NENF: variants seen among roughly 807,000 people sequenced by gnomAD.
The protein encoded by NENF is neudesin neurotrophic factor.
Under a neutral mutation model 14.8 loss-of-function variants are expected in NENF, and 6 were observed. The ratio of observed to expected loss-of-function variants is 0.40; its 90% confidence interval spans 0.22 to 0.80. The LOEUF is 0.80. NENF is among the 30% of genes least tolerant of loss of function. The probability of loss-of-function intolerance (pLI) is 0.34; values close to 1 mark genes in which losing one functional copy is unlikely to be tolerated. For missense variants in NENF, 184 were observed against 212.7 expected, an observed-to-expected ratio of 0.87 and a Z score of 0.84; for synonymous variants, 76 against 95.1, an observed-to-expected ratio of 0.80 and a Z score of 1.17.
chr1:212,444,220 G>A lies in NENF; in HGVS notation c.239-119G>A, dbSNP rs189075928. The A allele has an allele frequency of 1.8e-3, 931 of 520,142 alleles. 2 individuals carry two copies. The highest frequency in any genetic ancestry group is 2.7e-3 in the Non-Finnish European group (810 of 304,742). The allele number at this position is 520,142 out of a possible 1,614,324, so 32.2% of individuals were successfully genotyped here. A position where few individuals can be genotyped will look rare whatever the true frequency, so the allele number is the denominator to read the frequency against. On this transcript the variant is annotated intron_variant, in intron 2 of 3. Transcript: ENST00000366988. Reference sequence around the variant, plus strand: ...TGTATCGCCATTGTTTGGCCTCTCCGTGAGCGTGGAGTCTTTTTTAGGATT... The same window carrying A: ...TGTATCGCCATTGTTTGGCCTCTCCATGAGCGTGGAGTCTTTTTTAGGATT...
At chr1:212,439,389 A>G (rs935738546) in intron 1 of NENF, among the ~76,000 whole-genome samples, 1 of 151,214 alleles carries the variant, frequency 6.6e-6, no homozygotes. Context: ...AAAAAAAAAA[A>G]AAATTAGCCA....
At chr1:212,445,786 C>T (rs1365875319) in intron 3 of NENF, 44 bp from the exon 4 acceptor site, 1 of 1,603,510 alleles carries the variant, frequency 6.2e-7, no homozygotes, top group Non-Finnish European at 8.5e-7. Context: ...AAACACTATC[C>T]ACTTAACCCC....
intron 1 of NENF, among the ~76,000 whole-genome samples, chr1:212,437,625 C>G (rs1301591504): frequency 6.6e-6 from 1 of 152,150 alleles, no homozygotes; most frequent in Non-Finnish European, 1.5e-5. Flanking sequence ...GACACCCACA[C>G]AGGGATTTGC....
At chr1:212,435,580 C>T (rs895918516) in intron 1 of NENF, among the ~76,000 whole-genome samples, 1 of 147,442 alleles carries the variant, frequency 6.8e-6, no homozygotes, top group Non-Finnish European at 1.5e-5. Flanking sequence ...CAGGGTCTCA[C>T]TCTATTGCTA....
Position 212,433,387 on chromosome 1 carries a change from T to G in NENF, c.177+267T>G, listed in dbSNP as rs995610754. On this transcript the variant is annotated intron_variant, in intron 1 of 3. Transcript: ENST00000366988. The surrounding 1 kb of genome is among the most constrained non-coding windows in gnomAD (Gnocchi z 5.5). ...CCCTCGGTCCCCGGGAGATTTCCCC[T>G]CTAGCCGCCTTTTCGTTGATGATCT... Among the ~76,000 whole-genome samples, 3 of 152,050 alleles carry G rather than the reference T, an allele frequency of 2.0e-5. No homozygotes were observed. Among genetic ancestry groups the G allele is most frequent in the African/African-American group, 7.2e-5 (3 of 41,436 alleles).
At position 212,432,969 on chromosome 1, in the gene NENF, G is replaced by A. The variant is rs1662541124; in HGVS notation, c.26G>A (p.Arg9Gln). Residue 9 changes from arginine to glutamine, a missense_variant, in exon 1 of 4, where the codon CGG becomes CAG. Physicochemically the swap from Arg to Gln is conservative, Grantham distance 43 (BLOSUM62 1). Coordinates refer to ENST00000366988, the MANE Select transcript of NENF (RefSeq NM_013349.5). ...ATGGTGGGCCCCGCGCCGCGGCGGCGGCTGCGGCCGCTGGCAGCGCTGGCC... is the reference window on the plus strand; with the variant it reads ...ATGGTGGGCCCCGCGCCGCGGCGGCAGCTGCGGCCGCTGGCAGCGCTGGCC... Reference protein sequence around the residue: MVGPAPRRRLRPLAALALV... With the variant: MVGPAPRRQLRPLAALALV... 1.9e-6 allele frequency: 2 copies of A among 1,033,950 alleles called. No homozygotes were observed. The highest frequency in any genetic ancestry group is 1.7e-5 in the African/African-American group (1 of 58,702). The allele number at this position is 1,033,950 out of a possible 1,614,324, so 64.0% of individuals were successfully genotyped here. A position where few individuals can be genotyped will look rare whatever the true frequency, so the allele number is the denominator to read the frequency against.
chr1:212,436,392 C>G (rs1229421618), intron 1 of NENF, among the ~76,000 whole-genome samples: 1 of 146,834 alleles, frequency 6.8e-6, no homozygotes, highest in Non-Finnish European at 1.5e-5. Flanking sequence ...CTCACTGCAA[C>G]CTCCGCCTCC....
chr1:212,441,149 C>G (rs1317129103), intron 1 of NENF, among the ~76,000 whole-genome samples: 1 of 152,140 alleles, frequency 6.6e-6, no homozygotes, highest in Non-Finnish European at 1.5e-5. Context: ...GTGTAAAGCC[C>G]ATTGTTAGTA....
Position 212,444,422 on chromosome 1 carries a change from G to A in NENF, c.322G>A (p.Ala108Thr). The part of the protein sequence containing the change: ...RGVAKMSLDP[A>T]DLTHDTTGLT... Reference sequence around the variant, plus strand: ...GGTAGCCAAGATGTCCTTGGATCCTGCAGACCTCACCCATGACACTGTGAG... The same window carrying A: ...GGTAGCCAAGATGTCCTTGGATCCTACAGACCTCACCCATGACACTGTGAG... Residue 108 changes from alanine to threonine, a missense_variant, in exon 3 of 4, where the codon GCA becomes ACA. Physicochemically the swap from Ala to Thr is moderately conservative, Grantham distance 58. Coordinates refer to ENST00000366988, the MANE Select transcript of NENF (RefSeq NM_013349.5). The A allele has an allele frequency of 1.2e-6, 2 of 1,608,038 alleles. No individual in the cohort carries two copies. Among genetic ancestry groups the A allele is most frequent in the East Asian group, 2.2e-5 (1 of 44,572 alleles).
intron 3 of NENF, 126 bp from the exon 4 acceptor site, chr1:212,445,704 G>A (rs1662768037): frequency 1.1e-6 from 1 of 881,638 alleles, no homozygotes. Flanking sequence ...CCATTATTTG[G>A]TTTGTTGAGA....
chr1:212,443,843 A>C (rs893229554), intron 2 of NENF, among the ~76,000 whole-genome samples: 2 of 151,662 alleles, frequency 1.3e-5, no homozygotes, highest in Non-Finnish European at 2.9e-5. Context: ...CAGGAGTTCA[A>C]GACTAGCCTG....
In NENF at chr1:212,446,131, C is replaced by A; in HGVS notation, c.*125C>A. 2.2e-6 allele frequency: 2 copies of A among 929,074 alleles called. No individual in the cohort carries two copies. The highest frequency in any genetic ancestry group is 3.2e-6 in the Non-Finnish European group (2 of 616,508). The allele number at this position is 929,074 out of a possible 1,614,324, so 57.6% of individuals were successfully genotyped here. On this transcript the variant is annotated 3_prime_UTR_variant, in exon 4 of 4. Coordinates refer to ENST00000366988, the MANE Select transcript of NENF (RefSeq NM_013349.5). ...CAGATCTGAATAAAACAGATGCTTA[C>A]CCTGGAAGAGCAAATGCCTCCTGTT... is the stretch of plus-strand genomic sequence containing the variant.
intron 1 of NENF, among the ~76,000 whole-genome samples, chr1:212,438,838 A>G (rs1662649865): frequency 6.6e-6 from 1 of 152,080 alleles, no homozygotes; most frequent in African/African-American, 2.4e-5. Context: ...GCTGGTCTCA[A>G]ACTCCTGACC....
intron 1 of NENF, among the ~76,000 whole-genome samples, chr1:212,442,134 C>T (rs12058471): frequency 0.027 from 4,120 of 152,298 alleles, 156 homozygotes; most frequent in East Asian, 0.13. Flanking sequence ...GCCTCAGACT[C>T]GCGAGCAGCT....
chr1:212,435,688 G>T (rs929219484), intron 1 of NENF, among the ~76,000 whole-genome samples: 1 of 151,774 alleles, frequency 6.6e-6, no homozygotes, highest in Non-Finnish European at 1.5e-5. Context: ...GGCATTACAG[G>T]TGTGCACCAC....
At chr1:212,436,152 G>A (rs148456036) in intron 1 of NENF, among the ~76,000 whole-genome samples, 141 of 152,054 alleles carry the variant, frequency 9.3e-4, no homozygotes, top group Non-Finnish European at 1.8e-3. Context: ...GTTGTTCAAG[G>A]GTCAACTATA....
At chr1:212,441,642 G>A (rs542247991) in intron 1 of NENF, among the ~76,000 whole-genome samples, 4 of 152,142 alleles carry the variant, frequency 2.6e-5, no homozygotes, top group East Asian at 1.9e-4. Context: ...AAAAATTAGC[G>A]GGGCGTGGTG....
chr1:212,440,251 C>CAAAAAAAAAAA (rs371489983), intron 1 of NENF, among the ~76,000 whole-genome samples: 2 of 87,018 alleles, frequency 2.3e-5, no homozygotes, highest in African/African-American at 9.1e-5. Context: ...GACTCTGTCT[C>CAAAAAAAAAAA]AAAAAAAAAA....
Position 212,445,814 on chromosome 1 carries a change from G to A in NENF, c.343-16G>A, listed in dbSNP as rs1662769478. 8 of 1,613,376 alleles carry A rather than the reference G, an allele frequency of 5.0e-6. No individual in the cohort carries two copies. The highest frequency in any genetic ancestry group is 1.3e-5 in the African/African-American group (1 of 74,920). On this transcript the variant is annotated splice_polypyrimidine_tract_variant and intron_variant, in intron 3 of 3. Transcript: ENST00000366988. The stretch of plus-strand genomic sequence containing the variant: ...TTAACCCCATCTCCTGTCTTTCTTG[G>A]GCTTTTCTCCCCAAGACGGGTCTCA...
Sources: allele counts gnomAD v4.1 joint callset (sites outside exome capture counted in the v4.1 genomes callset), GRCh38; gene constraint gnomAD v4.1.1; non-coding constraint Gnocchi (gnomAD v3.1); transcripts MANE v1.5; gene names NCBI Gene and HGNC (gene_info 2026-07-23, HGNC 2026-07-21).